GSTCD: variants seen among roughly 807,000 people sequenced by gnomAD.
GSTCD encodes the protein glutathione S-transferase C-terminal domain-containing protein.
In GSTCD, 44 loss-of-function variants were observed where a neutral mutation model predicts 68.3. The ratio of observed to expected loss-of-function variants is 0.64; its 90% CI spans 0.51 to 0.83. The LOEUF is 0.83. Ranked by LOEUF, GSTCD falls within the 40% of genes least tolerant of loss-of-function variation. GSTCD has a pLI of 0.00. For synonymous variants in GSTCD, 273 were observed against 255.2 expected, an observed-to-expected ratio of 1.07 and a Z score of -0.67; for missense variants, 739 against 735.9, an observed-to-expected ratio of 1.00 and a Z score of -0.05.
intron 5 of GSTCD, among the ~76,000 whole-genome samples, chr4:105,763,775 G>A (rs1242699128): frequency 6.6e-6 from 1 of 152,078 alleles, no homozygotes; most frequent in Non-Finnish European, 1.5e-5. Context: ...ACTCTTTTGA[G>A]TTTTCTGAAC....
chr4:105,800,955 C>T (rs1271520492), intron 5 of GSTCD, among the ~76,000 whole-genome samples: 3 of 152,222 alleles, frequency 2.0e-5, no homozygotes, highest in East Asian at 1.9e-4. Flanking sequence ...CATGCCTGAA[C>T]AAACCTTATC....
chr4:105,749,946 AG>A (rs1375236379), intron 5 of GSTCD, among the ~76,000 whole-genome samples: 1 of 152,224 alleles, frequency 6.6e-6, no homozygotes, highest in African/African-American at 2.4e-5. Flanking sequence ...ACTTGGATCA[AG>A]ATATATAAAG....
intron 5 of GSTCD, among the ~76,000 whole-genome samples, chr4:105,748,992 A>AT (rs2077799024): frequency 6.6e-6 from 1 of 152,010 alleles, no homozygotes; most frequent in African/African-American, 2.4e-5. Flanking sequence ...TGATAGGAAT[A>AT]TTTTATAATA....
chr4:105,757,814 A>T (rs1442918524), intron 5 of GSTCD, among the ~76,000 whole-genome samples: 2 of 152,210 alleles, frequency 1.3e-5, no homozygotes, highest in Non-Finnish European at 2.9e-5. Context: ...TTAGGTTTGA[A>T]TGCCTATAGA....
chr4:105,758,671 GA>G (rs1734286194), intron 5 of GSTCD, among the ~76,000 whole-genome samples: 1 of 152,150 alleles, frequency 6.6e-6, no homozygotes, highest in Non-Finnish European at 1.5e-5. Flanking sequence ...AGTAGTGCAA[GA>G]ATGGCCTCAT....
intron 5 of GSTCD, among the ~76,000 whole-genome samples, chr4:105,750,226 G>T (rs1321537060): frequency 6.6e-6 from 1 of 152,166 alleles, no homozygotes; most frequent in Non-Finnish European, 1.5e-5. Flanking sequence ...CACTTTGAGA[G>T]GCCGAGGCGG....
chr4:105,805,722 G>A (rs1430424755), intron 5 of GSTCD, among the ~76,000 whole-genome samples: 1 of 152,058 alleles, frequency 6.6e-6, no homozygotes, highest in Non-Finnish European at 1.5e-5. Context: ...AACTGGCATT[G>A]CACTAAAGTG....
intron 5 of GSTCD, among the ~76,000 whole-genome samples, chr4:105,745,588 T>TGTC (rs1209104597): frequency 6.6e-6 from 1 of 152,226 alleles, no homozygotes; most frequent in African/African-American, 2.4e-5. Flanking sequence ...TGTGAATTTT[T>TGTC]GTCCTCTGAG....
intron 5 of GSTCD, among the ~76,000 whole-genome samples, chr4:105,754,924 G>C (rs1022633170): frequency 6.6e-6 from 1 of 151,706 alleles, no homozygotes; most frequent in African/African-American, 2.4e-5. Context: ...AAATGACTTA[G>C]AAAGTTGCTT....
intron 5 of GSTCD, among the ~76,000 whole-genome samples, chr4:105,763,359 T>C (rs925383248): frequency 6.6e-6 from 1 of 152,188 alleles, no homozygotes; most frequent in African/African-American, 2.4e-5. Context: ...ACAAAGTGTT[T>C]AGTGTGTGGA....
chr4:105,777,672 C>T (rs555062306), intron 5 of GSTCD, among the ~76,000 whole-genome samples: 36 of 152,250 alleles, frequency 2.4e-4, no homozygotes, highest in African/African-American at 8.4e-4. Flanking sequence ...CTGTCTTTAC[C>T]AGTTTTGCCT....
At chr4:105,732,477 A>G (rs140302123) in intron 5 of GSTCD, among the ~76,000 whole-genome samples, 8,167 of 152,158 alleles carry the variant, frequency 0.054, 254 homozygotes, top group Middle Eastern at 0.14. Context: ...GTTTATTTGC[A>G]TAGAGGTGTT....
intron 5 of GSTCD, among the ~76,000 whole-genome samples, chr4:105,732,438 T>G (rs1245225510): frequency 2.0e-5 from 3 of 152,144 alleles, no homozygotes; most frequent in Non-Finnish European, 4.4e-5. Flanking sequence ...ATGTGTCCAG[T>G]AATTTGTCCA....
intron 1 of GSTCD, among the ~76,000 whole-genome samples, chr4:105,715,590 TA>T (rs1159829031): frequency 1.3e-5 from 2 of 151,972 alleles, no homozygotes; most frequent in Admixed American, 6.6e-5. Context: ...TGACTATATT[TA>T]TTTTTTATAA....
At chr4:105,725,496 T>G (rs1733001470) in intron 3 of GSTCD, among the ~76,000 whole-genome samples, 2 of 152,140 alleles carry the variant, frequency 1.3e-5, no homozygotes, top group African/African-American at 4.8e-5. Context: ...GCACCATCAT[T>G]TGGAGTTGTC....
In GSTCD at chr4:105,845,566, G is replaced by C; in HGVS notation, c.1891G>C (p.Val631Leu). ...TCCCAAAAATAACATGATTGTGGGA[G>C]TCCCCATTTAAAATGAGATATTCAC... ...CSPKNNMIVG[V>L]PI The change falls in exon 12 of 12, where the codon GTC becomes CTC. Residue 631 changes from valine (V) to leucine (L), a missense_variant. Physicochemically the swap from Val to Leu is conservative, Grantham distance 32 (BLOSUM62 1). Coordinates refer to ENST00000515279, the MANE Select transcript of GSTCD (RefSeq NM_001370181.1). The C allele has an allele frequency of 6.2e-7, 1 of 1,614,042 alleles. No homozygotes were observed. Among genetic ancestry groups the C allele is most frequent in the Non-Finnish European group, 8.5e-7 (1 of 1,179,968 alleles).
intron 5 of GSTCD, among the ~76,000 whole-genome samples, chr4:105,765,614 T>C (rs1013365328): frequency 2.6e-5 from 4 of 152,228 alleles, no homozygotes; most frequent in Non-Finnish European, 5.9e-5. Flanking sequence ...AATGTATTTG[T>C]CATCAATGAT....
chr4:105,710,292 G>T (rs1578400060), intron 1 of GSTCD, among the ~76,000 whole-genome samples: 1 of 116,228 alleles, frequency 8.6e-6, no homozygotes, highest in Non-Finnish European at 1.7e-5. Context: ...GGGATGGATT[G>T]CAATGGCAAC....
chr4:105,845,607 A>G lies in GSTCD; in HGVS notation c.*30A>G, dbSNP rs200203562. On this transcript the variant is annotated 3_prime_UTR_variant, in exon 12 of 12. Transcript: ENST00000515279. Reference sequence around the variant, plus strand: ...AGATATTCACATTTGATATTTTGCCATCCGTCTTCACGTTGGATGCCCAGT... The same window carrying G: ...AGATATTCACATTTGATATTTTGCCGTCCGTCTTCACGTTGGATGCCCAGT... 1.2e-6 allele frequency: 2 copies of G among 1,612,214 alleles called. No individual in the cohort carries two copies. Among genetic ancestry groups the G allele is most frequent in the Admixed American group, 3.3e-5 (2 of 59,994 alleles).
Sources: gnomAD v4.1 joint callset for allele counts (sites outside exome capture counted in the v4.1 genomes callset) on GRCh38, gnomAD v4.1.1 for gene constraint, MANE v1.5 for transcripts, NCBI Gene and HGNC (gene_info 2026-07-23, HGNC 2026-07-21) for gene names.